CNTN5: variants seen among roughly 807,000 people sequenced by gnomAD.
CNTN5 encodes the protein contactin 5, also known as contactin-5.
A neutral mutation model predicts 129.1 loss-of-function variants in CNTN5; 77 were observed. The ratio of observed to expected loss-of-function variants is 0.60; its 90% CI spans 0.50 to 0.72. CNTN5 has a LOEUF of 0.72. Among genes scored for constraint, CNTN5 ranks in the 30% least tolerant of loss-of-function variants. The pLI is 0.00. For synonymous variants in CNTN5, 509 were observed against 465.6 expected (o/e 1.09, Z -1.20); for missense variants, 1,478 against 1,328.8 (o/e 1.11, Z -1.75).
chr11:99,819,295 C>T (rs1483327275), intron 3 of CNTN5, among the ~76,000 whole-genome samples: 1 of 53,026 alleles, frequency 1.9e-5, no homozygotes, highest in Non-Finnish European at 3.8e-5. Context: ...CTCTCCTCTC[C>T]TCCCCTTCCC....
intron 3 of CNTN5, among the ~76,000 whole-genome samples, chr11:99,765,480 A>T (rs546247175): frequency 2.0e-5 from 3 of 152,016 alleles, no homozygotes; most frequent in East Asian, 1.9e-4. Flanking sequence ...AGGCTAATCT[A>T]TAGTACTAGA....
At chr11:99,588,596 C>T (rs1396540678) in intron 3 of CNTN5, among the ~76,000 whole-genome samples, 1 of 152,158 alleles carries the variant, frequency 6.6e-6, no homozygotes. Context: ...AGAATTTCAA[C>T]ATTCCACCCT....
chr11:100,256,124 T>G (rs546267574), intron 17 of CNTN5, among the ~76,000 whole-genome samples: 110 of 152,332 alleles, frequency 7.2e-4, no homozygotes, highest in African/African-American at 1.9e-3. Context: ...AAAGAGGAAC[T>G]ATATCATGTT....
intron 1 of CNTN5, among the ~76,000 whole-genome samples, chr11:99,294,745 A>G (rs1864310243): frequency 6.6e-6 from 1 of 152,188 alleles, no homozygotes. Flanking sequence ...GATACTCCTT[A>G]TTTAGAGCAT....
At chr11:99,468,126 G>C (rs997350066) in intron 2 of CNTN5, among the ~76,000 whole-genome samples, 1 of 152,176 alleles carries the variant, frequency 6.6e-6, no homozygotes, top group Non-Finnish European at 1.5e-5. Context: ...TAAAAGAAGA[G>C]AGTGAATTGT....
chr11:99,407,994 C>T (rs1942167111), intron 2 of CNTN5, among the ~76,000 whole-genome samples: 1 of 152,128 alleles, frequency 6.6e-6, no homozygotes, highest in African/African-American at 2.4e-5. Context: ...TTCAGTGCCT[C>T]TTTCAGTGAT....
intron 1 of CNTN5, among the ~76,000 whole-genome samples, chr11:99,059,951 T>C (rs10892725): frequency 0.47 from 70,786 of 151,856 alleles, 16,850 homozygotes; most frequent in African/African-American, 0.49. Context: ...ATGATAGTAA[T>C]CTCACATATA....
chr11:99,273,744 A>G (rs1863289779), intron 1 of CNTN5, among the ~76,000 whole-genome samples: 3 of 151,756 alleles, frequency 2.0e-5, no homozygotes, highest in South Asian at 2.1e-4. Context: ...TTTAATAACT[A>G]ACATAAAGAT....
rs192681824 is a variant in CNTN5 at position 99,953,226 on chromosome 11, T to C, written c.674-3580T>C. 2.8e-3 allele frequency among the ~76,000 whole-genome samples: 429 copies of C among 152,292 alleles called. 2 individuals are homozygous for C. The highest frequency in any genetic ancestry group is 9.7e-3 in the African/African-American group (402 of 41,568). ...CATTGTCCACATGTGTACTCCTGTT[T>C]TTGTATACTCTGTAGATGTGGAAAT... On this transcript the variant is annotated intron_variant, in intron 7 of 24. Transcript: ENST00000524871.
chr11:99,204,429 A>G (rs1298229729), intron 1 of CNTN5, among the ~76,000 whole-genome samples: 2 of 152,138 alleles, frequency 1.3e-5, no homozygotes, highest in Admixed American at 6.5e-5. Context: ...TTTCCCCTCT[A>G]ACAGTTACAA....
intron 3 of CNTN5, among the ~76,000 whole-genome samples, chr11:99,787,087 C>CTT (rs1945554496): frequency 2.6e-5 from 1 of 37,850 alleles, no homozygotes; most frequent in Non-Finnish European, 5.3e-5. Context: ...TCTGAAACTA[C>CTT]ATGTTTTTTT....
At chr11:99,062,187 T>C (rs1280892035) in intron 1 of CNTN5, among the ~76,000 whole-genome samples, 2 of 152,128 alleles carry the variant, frequency 1.3e-5, no homozygotes. Context: ...ATTCAGACTG[T>C]GCTGATGGCT....
intron 8 of CNTN5, among the ~76,000 whole-genome samples, chr11:99,981,640 C>A (rs1234168723): frequency 6.6e-6 from 1 of 152,146 alleles, no homozygotes; most frequent in Non-Finnish European, 1.5e-5. Context: ...ATCACACTCT[C>A]CAAATGATAC....
At chr11:99,465,332 T>G (rs1944888897) in intron 2 of CNTN5, among the ~76,000 whole-genome samples, 1 of 152,206 alleles carries the variant, frequency 6.6e-6, no homozygotes, top group Non-Finnish European at 1.5e-5. Context: ...TTGTTTTTAT[T>G]TAAAGCAACA....
rs77449646 is a variant in CNTN5, at chr11:99,826,148, T to A, written c.277+6383T>A. Among the ~76,000 whole-genome samples, 1,507 of 152,306 alleles carry A rather than the reference T, an allele frequency of 9.9e-3. 68 individuals carry two copies. In the East Asian group the frequency reaches 0.12, roughly 13 times the overall value. On this transcript the variant is annotated intron_variant, in intron 4 of 24. Transcript: ENST00000524871. ...AAGTTCTTATTCCTATTATTGACTT[T>A]GGCTTTTTTTTGCAATATAGAATTT...
At chr11:99,836,449 A>G (rs1264791504) in intron 4 of CNTN5, among the ~76,000 whole-genome samples, 1 of 152,048 alleles carries the variant, frequency 6.6e-6, no homozygotes, top group East Asian at 1.9e-4. Context: ...AGCTTCATCC[A>G]TGTCCCTACA....
chr11:100,053,979 T>G (rs905899948), intron 9 of CNTN5, among the ~76,000 whole-genome samples: 5 of 151,810 alleles, frequency 3.3e-5, no homozygotes, highest in African/African-American at 1.2e-4. Flanking sequence ...AGTGTATTAT[T>G]CAATTTACAT....
In CNTN5 at chr11:99,629,880, G is replaced by A. The variant is rs1253869518; in HGVS notation, c.55+73611G>A. Among the ~76,000 whole-genome samples, 5 of 151,530 alleles carry A rather than the reference G, an allele frequency of 3.3e-5. No individual in the cohort carries two copies. The East Asian group carries it at 9.7e-4, about 29-fold the overall frequency. On this transcript the variant is annotated intron_variant, in intron 3 of 24. Coordinates refer to ENST00000524871, the MANE Select transcript of CNTN5 (RefSeq NM_014361.4). ...TTTGATATAAAATATAAAAATACTT[G>A]ATATAAAATATTTGATAAAAATAAT...
At chr11:99,172,791 C>G (rs1316662596) in intron 1 of CNTN5, among the ~76,000 whole-genome samples, 2 of 152,200 alleles carry the variant, frequency 1.3e-5, no homozygotes, top group African/African-American at 4.8e-5. Context: ...GAGCCAAGAT[C>G]TGAAAAACTG....
Sources: gnomAD v4.1 joint callset for allele counts (sites outside exome capture counted in the v4.1 genomes callset) on GRCh38, gnomAD v4.1.1 for gene constraint, MANE v1.5 for transcripts, NCBI Gene and HGNC (gene_info 2026-07-23, HGNC 2026-07-21) for gene names.